Variants in PCDH9 observed in about 807,000 individuals in gnomAD.
The protein encoded by PCDH9 is protocadherin 9.
A neutral mutation model predicts 70.6 loss-of-function variants in PCDH9; 24 were observed. That is an observed-to-expected ratio of 0.34 (90% CI 0.25 to 0.48). PCDH9 has a LOEUF of 0.48. PCDH9 is among the 20% of genes least tolerant of loss of function. The probability of loss-of-function intolerance (pLI) is 0.99; values close to 1 mark genes in which losing one functional copy is unlikely to be tolerated. For synonymous variants in PCDH9, 562 were observed against 558.5 expected, an observed-to-expected ratio of 1.01 and a Z score of -0.09; for missense variants, 1,281 against 1,503.6, an observed-to-expected ratio of 0.85 and a Z score of 2.45.
chr13:66,781,852 A>G (rs1385222610), intron 3 of PCDH9, among the ~76,000 whole-genome samples: 1 of 141,420 alleles, frequency 7.1e-6, no homozygotes, highest in Non-Finnish European at 1.5e-5. Flanking sequence ...CATCTATCAC[A>G]TAATAATCAG....
chr13:66,867,988 T>TA (rs1208902172), intron 3 of PCDH9, among the ~76,000 whole-genome samples: 1 of 152,058 alleles, frequency 6.6e-6, no homozygotes, highest in African/African-American at 2.4e-5. Flanking sequence ...CATATAAATA[T>TA]AATTGGTAGA....
At chr13:66,324,597 A>G (rs1374738774) in intron 4 of PCDH9, among the ~76,000 whole-genome samples, 1 of 152,046 alleles carries the variant, frequency 6.6e-6, no homozygotes, top group African/African-American at 2.4e-5. Context: ...GCCAATTACA[A>G]TAGCCTAAAG....
At chr13:66,511,536 C>T (rs1959473240) in intron 4 of PCDH9, among the ~76,000 whole-genome samples, 2 of 151,912 alleles carry the variant, frequency 1.3e-5, no homozygotes, top group South Asian at 4.2e-4. Flanking sequence ...ATCAATTGAT[C>T]AAGTCATGAT....
intron 2 of PCDH9, chr13:67,220,696 CA>C (rs1439226473): frequency 6.6e-6 from 1 of 151,926 alleles, no homozygotes; most frequent in African/African-American, 2.4e-5. Flanking sequence ...GCAACAAAAA[CA>C]AATAATAAGA....
intron 2 of PCDH9, among the ~76,000 whole-genome samples, chr13:67,001,621 G>A (rs902456610): frequency 1.3e-5 from 2 of 152,100 alleles, no homozygotes; most frequent in African/African-American, 4.8e-5. Context: ...GAGAGAGAGA[G>A]GGCAACATGG....
At chr13:66,856,188 C>G (rs2081391781) in intron 3 of PCDH9, among the ~76,000 whole-genome samples, 2 of 151,894 alleles carry the variant, frequency 1.3e-5, no homozygotes, top group Admixed American at 1.3e-4. Flanking sequence ...TTGGTAATTT[C>G]TCACACATTG....
chr13:66,612,272 A>T (rs919717498), intron 4 of PCDH9, among the ~76,000 whole-genome samples: 1 of 152,214 alleles, frequency 6.6e-6, no homozygotes, highest in African/African-American at 2.4e-5. Flanking sequence ...CAAAAATTTT[A>T]ATCAGAAACT....
chr13:67,229,363 T>C (rs1240170372), intron 1 of PCDH9, among the ~76,000 whole-genome samples: 1 of 152,216 alleles, frequency 6.6e-6, no homozygotes, highest in African/African-American at 2.4e-5. Flanking sequence ...AACATTCCCA[T>C]GTAACATCAC....
At chr13:66,829,420 A>C (rs1458605502) in intron 3 of PCDH9, among the ~76,000 whole-genome samples, 3 of 152,078 alleles carry the variant, frequency 2.0e-5, no homozygotes, top group Non-Finnish European at 2.9e-5. Context: ...GGGACAAAAA[A>C]CTAGTGTTTA....
At chr13:66,472,924 A>G (rs576955552) in intron 4 of PCDH9, among the ~76,000 whole-genome samples, 1 of 152,210 alleles carries the variant, frequency 6.6e-6, no homozygotes, top group East Asian at 1.9e-4. Flanking sequence ...TTCATTTTTT[A>G]TTATATTTGG....
intron 2 of PCDH9, among the ~76,000 whole-genome samples, chr13:67,053,937 A>G (rs1345716553): frequency 5.3e-5 from 8 of 152,156 alleles, no homozygotes; most frequent in Admixed American, 1.3e-4. Context: ...TTATTATCCC[A>G]CTCTTTTCAG....
At chr13:66,728,093 T>C (rs186146605) in intron 3 of PCDH9, among the ~76,000 whole-genome samples, 5 of 152,306 alleles carry the variant, frequency 3.3e-5, no homozygotes, top group Admixed American at 3.3e-4. Context: ...ATAATCTCTA[T>C]TTTTCATAAT....
intron 2 of PCDH9, among the ~76,000 whole-genome samples, chr13:67,055,440 A>G (rs1247397875): frequency 6.6e-6 from 1 of 152,178 alleles, no homozygotes; most frequent in Non-Finnish European, 1.5e-5. Flanking sequence ...TAAGTGGACA[A>G]TACTCCCCTT....
chr13:66,822,902 T>C (rs548346384), intron 3 of PCDH9, among the ~76,000 whole-genome samples: 1 of 152,278 alleles, frequency 6.6e-6, no homozygotes, highest in African/African-American at 2.4e-5. Flanking sequence ...TTCTGAATTC[T>C]GGATAAATAT....
At chr13:66,657,445 C>A (rs1771223938) in intron 3 of PCDH9, among the ~76,000 whole-genome samples, 2 of 152,174 alleles carry the variant, frequency 1.3e-5, no homozygotes, top group South Asian at 4.1e-4. Context: ...AAATGGAGAA[C>A]AAAGAGACTG....
chr13:66,612,445 T>C (rs2138874606), intron 4 of PCDH9, among the ~76,000 whole-genome samples: 1 of 152,334 alleles, frequency 6.6e-6, no homozygotes, highest in African/African-American at 2.4e-5. Context: ...AATGTTGTAA[T>C]GTGGTTGTTT....
At chr13:66,462,195 C>T (rs1467995520) in intron 4 of PCDH9, among the ~76,000 whole-genome samples, 1 of 151,786 alleles carries the variant, frequency 6.6e-6, no homozygotes, top group African/African-American at 2.4e-5. Context: ...AAAAACTGCA[C>T]ACAGTGCTAT....
intron 4 of PCDH9, among the ~76,000 whole-genome samples, chr13:66,434,110 A>T (rs1957823742): frequency 1.3e-5 from 2 of 151,960 alleles, no homozygotes; most frequent in Admixed American, 1.3e-4. Flanking sequence ...ATGTAAGGTT[A>T]TCAAGACATT....
intron 2 of PCDH9, among the ~76,000 whole-genome samples, chr13:67,140,247 T>C (rs1373789722): frequency 6.6e-6 from 1 of 152,128 alleles, no homozygotes; most frequent in Admixed American, 6.5e-5. Context: ...AACTGACCAT[T>C]AATTATGATG....
Sources: gnomAD v4.1 joint callset for allele counts (sites outside exome capture counted in the v4.1 genomes callset) on GRCh38, gnomAD v4.1.1 for gene constraint, MANE v1.5 for transcripts, NCBI Gene and HGNC (gene_info 2026-07-23, HGNC 2026-07-21) for gene names.